The following DCDC1 variants were observed in gnomAD, a reference collection of about 807,000 sequenced individuals.
DCDC1 encodes doublecortin domain containing 1, also known as doublecortin domain-containing protein 1.
DCDC1 carries 200 observed loss-of-function variants against 178.3 expected under a neutral mutation model. The ratio of observed to expected loss-of-function variants is 1.12; its 90% CI spans 1.00 to 1.26. The LOEUF (loss-of-function observed/expected upper bound fraction) is 1.26. Among genes scored for constraint, DCDC1 ranks in the 50% most tolerant of loss-of-function variants. DCDC1 has a pLI of 0.00. For missense variants in DCDC1, 1,983 were observed against 1,749.2 expected, an observed-to-expected ratio of 1.13 and a Z score of -2.38; for synonymous variants, 690 against 604.8, an observed-to-expected ratio of 1.14 and a Z score of -2.07.
chr11:31,097,402 G>T (rs1192558568), intron 15 of DCDC1, among the ~76,000 whole-genome samples: 1 of 152,148 alleles, frequency 6.6e-6, no homozygotes, highest in Non-Finnish European at 1.5e-5. Flanking sequence ...CTATTGCAAA[G>T]AAATTTTACA....
intron 20 of DCDC1, among the ~76,000 whole-genome samples, chr11:31,009,048 A>G (rs190342417): frequency 6.4e-4 from 98 of 152,330 alleles, no homozygotes; most frequent in African/African-American, 2.2e-3. Context: ...CCACTACTGC[A>G]ATAGTAGATT....
intron 3 of DCDC1, among the ~76,000 whole-genome samples, chr11:31,325,294 C>T (rs1291737205): frequency 7.2e-5 from 11 of 152,056 alleles, no homozygotes; most frequent in African/African-American, 2.2e-4. Context: ...AAGGCTATTG[C>T]CCAATTCTGG....
At chr11:30,923,003 G>A (rs533464201) in intron 23 of DCDC1, among the ~76,000 whole-genome samples, 1 of 151,568 alleles carries the variant, frequency 6.6e-6, no homozygotes, top group South Asian at 2.1e-4. Flanking sequence ...GGAAGGAGGT[G>A]GGAAAGAAGG....
intron 3 of DCDC1, among the ~76,000 whole-genome samples, chr11:31,321,622 G>A (rs538466544): frequency 3.6e-4 from 55 of 150,998 alleles, no homozygotes; most frequent in African/African-American, 1.1e-3. Context: ...CTTCTGCGTC[G>A]CTCACGCTGG....
intron 7 of DCDC1, among the ~76,000 whole-genome samples, chr11:31,287,224 AAAAC>A (rs751593307): frequency 2.0e-5 from 3 of 150,522 alleles, no homozygotes; most frequent in Non-Finnish European, 2.9e-5. Flanking sequence ...AAAACAAAAC[AAAAC>A]AAACAAACAA....
intron 10 of DCDC1, among the ~76,000 whole-genome samples, chr11:31,131,680 TAC>T (rs1962459934): frequency 2.0e-5 from 3 of 152,240 alleles, no homozygotes; most frequent in South Asian, 4.1e-4. Context: ...TTCCGAAAAA[TAC>T]TGGTCCTCTC....
intron 8 of DCDC1, among the ~76,000 whole-genome samples, chr11:31,252,224 G>C (rs1012265569): frequency 1.3e-5 from 2 of 151,946 alleles, no homozygotes; most frequent in African/African-American, 4.8e-5. Flanking sequence ...ACTTGGACAA[G>C]GTAAAGTTGG....
At chr11:30,952,908 T>C (rs1948518402) in intron 20 of DCDC1, among the ~76,000 whole-genome samples, 1 of 152,056 alleles carries the variant, frequency 6.6e-6, no homozygotes. Context: ...CTTTAGACAG[T>C]AAAAGAGAAG....
intron 9 of DCDC1, among the ~76,000 whole-genome samples, chr11:31,202,398 G>A (rs1272086308): frequency 2.2e-4 from 32 of 147,596 alleles, no homozygotes; most frequent in African/African-American, 7.0e-4. Flanking sequence ...CCTCATCTCC[G>A]CAAAAAAAAA....
intron 15 of DCDC1, among the ~76,000 whole-genome samples, chr11:31,099,532 T>C (rs184838857): frequency 2.3e-4 from 35 of 152,276 alleles, no homozygotes; most frequent in African/African-American, 6.5e-4. Context: ...TGGAGCCTAG[T>C]TGATTTTGAG....
At chr11:31,281,776 C>A (rs1946451793) in intron 7 of DCDC1, among the ~76,000 whole-genome samples, 1 of 152,076 alleles carries the variant, frequency 6.6e-6, no homozygotes, top group East Asian at 1.9e-4. Context: ...TTTCGTTCTC[C>A]CTCTTGCCAC....
chr11:31,054,882 T>C (rs1329141383), intron 20 of DCDC1, among the ~76,000 whole-genome samples: 2 of 152,148 alleles, frequency 1.3e-5, no homozygotes, highest in East Asian at 3.9e-4. Flanking sequence ...TTATAAAAAT[T>C]CTAGAAGATA....
Position 31,212,264 on chromosome 11 carries a change from A to G in DCDC1, c.1221+29186T>C, listed in dbSNP as rs1363092874. The stretch of plus-strand genomic sequence containing the variant: ...AAAAAATAAATATACTAGAGGAAAA[A>G]TATACCCTTACAATGCGAAAATTTT... On this transcript the variant is annotated intron_variant, in intron 9 of 38. Transcript: ENST00000684477. Among the ~76,000 whole-genome samples the G allele has an allele frequency of 5.3e-5, 8 of 152,116 alleles. No individual in the cohort carries two copies. In the East Asian group the frequency reaches 1.3e-3, roughly 26 times the overall value.
intron 11 of DCDC1, among the ~76,000 whole-genome samples, chr11:31,113,220 C>T (rs1373559003): frequency 6.6e-6 from 1 of 152,110 alleles, no homozygotes; most frequent in African/African-American, 2.4e-5. Flanking sequence ...CATTAACTAT[C>T]CAAAGCACAT....
At chr11:31,146,529 T>A (rs1369249683) in intron 9 of DCDC1, among the ~76,000 whole-genome samples, 2 of 152,168 alleles carry the variant, frequency 1.3e-5, no homozygotes, top group African/African-American at 2.4e-5. Flanking sequence ...GGGCCTCTGA[T>A]GTTGTGCTGC....
chr11:31,136,326 C>T (rs976596922), intron 10 of DCDC1, among the ~76,000 whole-genome samples: 21 of 152,088 alleles, frequency 1.4e-4, no homozygotes, highest in African/African-American at 5.1e-4. Flanking sequence ...TGTGTAATTG[C>T]TATTTATTAC....
rs545489887 is a variant in DCDC1 at position 31,119,136 on chromosome 11, C to T, written c.1485+8333G>A. Among the ~76,000 whole-genome samples, 255 of 152,248 alleles carry T rather than the reference C, an allele frequency of 1.7e-3. 1 individual carries two copies. Among genetic ancestry groups the T allele is most frequent in the Non-Finnish European group, 3.0e-3 (205 of 68,004 alleles). On this transcript the variant is annotated intron_variant, in intron 11 of 38. Transcript: ENST00000684477. ...GATTTCAGCACCTGCCGCTAATTAG[C>T]TATCACATGAGATGTGTAAAGGCTT... is the stretch of plus-strand genomic sequence containing the variant.
At chr11:31,014,525 A>C (rs1447944480) in intron 20 of DCDC1, among the ~76,000 whole-genome samples, 1 of 152,142 alleles carries the variant, frequency 6.6e-6, no homozygotes, top group Non-Finnish European at 1.5e-5. Context: ...TGGATTCCGG[A>C]TCCTTAGAAA....
At chr11:31,307,499 AAAAAACAAAAAC>A in intron 4 of DCDC1, 128 bp downstream of exon 4, 7 of 1,190,806 alleles carry the variant, frequency 5.9e-6, no homozygotes, top group Non-Finnish European at 6.9e-6. Flanking sequence ...CTTTCAAAGA[AAAAAACAAAAAC>A]AAAAACAAAA....
Sources: gnomAD v4.1 joint callset for allele counts (sites outside exome capture counted in the v4.1 genomes callset) on GRCh38, gnomAD v4.1.1 for gene constraint, MANE v1.5 for transcripts, NCBI Gene and HGNC (gene_info 2026-07-23, HGNC 2026-07-21) for gene names.